FARP2: variants seen among roughly 807,000 people sequenced by gnomAD.
The protein encoded by FARP2 is FERM, ARH/RhoGEF and pleckstrin domain protein 2.
FARP2 carries 111 observed loss-of-function variants against 130.5 expected under a neutral mutation model. The observed-to-expected ratio is 0.85, with a 90% CI of 0.73 to 1.00. The LOEUF is 1.00. Among genes scored for constraint, FARP2 ranks in the 50% least tolerant of loss-of-function variants. FARP2 has a pLI of 0.00. For missense variants in FARP2, 1,385 were observed against 1,346.3 expected (o/e 1.03, Z -0.45); for synonymous variants, 504 against 516.9 (o/e 0.98, Z 0.34).
chr2:241,406,177 G>T (rs1235105745), intron 4 of FARP2, among the ~76,000 whole-genome samples: 1 of 150,902 alleles, frequency 6.6e-6, no homozygotes, highest in African/African-American at 2.4e-5. Flanking sequence ...GCATGGTGGG[G>T]GGCGCCTGTA....
In FARP2 at chr2:241,453,418, C is replaced by G. The variant is rs185944856; in HGVS notation, c.1412-3329C>G. 8.8e-3 allele frequency among the ~76,000 whole-genome samples: 1,327 copies of G among 150,986 alleles called. 5 individuals are homozygous for G. Among genetic ancestry groups the G allele is most frequent in the African/African-American group, 0.019 (796 of 41,082 alleles). ...CGGGCAGATCACAAGGTCAGGAGAT[C>G]GAGACCATCCTGGCTAACATGGTGA... is the stretch of plus-strand genomic sequence containing the variant. On this transcript the variant is annotated intron_variant, in intron 13 of 26. Coordinates refer to ENST00000264042, the MANE Select transcript of FARP2 (RefSeq NM_014808.4).
intron 13 of FARP2, among the ~76,000 whole-genome samples, chr2:241,455,537 T>G (rs957171737): frequency 6.6e-6 from 1 of 151,884 alleles, no homozygotes; most frequent in Admixed American, 6.6e-5. Context: ...CCCGCCGCCA[T>G]GCCCGGCTAA....
At chr2:241,399,092 G>A (rs567186731) in intron 2 of FARP2, among the ~76,000 whole-genome samples, 16 of 152,278 alleles carry the variant, frequency 1.1e-4, no homozygotes, top group African/African-American at 3.6e-4. Context: ...CAGCTATTCT[G>A]GTGAGGGTCT....
intron 13 of FARP2, among the ~76,000 whole-genome samples, chr2:241,450,868 T>C (rs2063638330): frequency 2.0e-5 from 3 of 150,758 alleles, no homozygotes; most frequent in African/African-American, 7.3e-5. Flanking sequence ...CTGAGAATCG[T>C]TTGAATCCAG....
chr2:241,406,581 G>T (rs1030988927), intron 4 of FARP2, among the ~76,000 whole-genome samples: 1 of 151,224 alleles, frequency 6.6e-6, no homozygotes, highest in South Asian at 2.1e-4. Flanking sequence ...CAAGTAGCTG[G>T]AACTTCAGGC....
At chr2:241,409,038 TGATAGATA>T (rs56030352) in intron 5 of FARP2, among the ~76,000 whole-genome samples, 147 of 146,042 alleles carry the variant, frequency 1.0e-3, no homozygotes, top group African/African-American at 2.5e-3. Flanking sequence ...GATAGATAGA[TGATAGATA>T]GATAGATAGA....
At chr2:241,448,087 G>T (rs2063553146) in intron 13 of FARP2, among the ~76,000 whole-genome samples, 1 of 152,148 alleles carries the variant, frequency 6.6e-6, no homozygotes, top group African/African-American at 2.4e-5. Flanking sequence ...TTCTAGAAAG[G>T]CACTTGTCAG....
chr2:241,411,832 T>G (rs891278301), intron 6 of FARP2, among the ~76,000 whole-genome samples: 8 of 152,230 alleles, frequency 5.3e-5, no homozygotes, highest in Admixed American at 2.0e-4. Context: ...TGCAGCTTCC[T>G]TGGTCCTTCC....
chr2:241,476,467 C>A (rs2124859458), intron 19 of FARP2, among the ~76,000 whole-genome samples: 1 of 152,246 alleles, frequency 6.6e-6, no homozygotes, highest in Non-Finnish European at 1.5e-5. Context: ...GCAGACAGAT[C>A]ACCTGAGGTT....
chr2:241,441,674 A>G, intron 13 of FARP2, 118 bp downstream of exon 13: 2 of 1,409,128 alleles, frequency 1.4e-6, no homozygotes, highest in South Asian at 2.3e-5. Context: ...GCTGCTTGTA[A>G]AAATGACAAT....
At chr2:241,448,562 C>T (rs1321467793) in intron 13 of FARP2, among the ~76,000 whole-genome samples, 1 of 152,170 alleles carries the variant, frequency 6.6e-6, no homozygotes, top group East Asian at 1.9e-4. Context: ...TGTATTAGAA[C>T]AAAAACATAG....
chr2:241,415,309 C>T (rs1242365481), intron 7 of FARP2, among the ~76,000 whole-genome samples: 2 of 152,164 alleles, frequency 1.3e-5, no homozygotes, highest in African/African-American at 4.8e-5. Flanking sequence ...CTGAGTGTCA[C>T]ATCCAGACCT....
At chr2:241,426,727 T>C (rs984987253) in intron 8 of FARP2, among the ~76,000 whole-genome samples, 1 of 152,174 alleles carries the variant, frequency 6.6e-6, no homozygotes, top group Admixed American at 6.6e-5. Flanking sequence ...CCCTGGATTA[T>C]TGGATGAATA....
At chr2:241,421,820 T>C (rs1000790921) in intron 8 of FARP2, among the ~76,000 whole-genome samples, 11 of 152,172 alleles carry the variant, frequency 7.2e-5, no homozygotes, top group African/African-American at 2.4e-4. Flanking sequence ...AACTAGGGTC[T>C]GGAGCAACTC....
chr2:241,479,971 G>A (rs1016838769), intron 19 of FARP2, among the ~76,000 whole-genome samples: 4 of 152,210 alleles, frequency 2.6e-5, no homozygotes, highest in African/African-American at 7.2e-5. Flanking sequence ...GACTTCAGTC[G>A]ACCTTCCTGG....
intron 13 of FARP2, among the ~76,000 whole-genome samples, chr2:241,450,943 C>G (rs2063641566): frequency 6.6e-6 from 1 of 152,176 alleles, no homozygotes; most frequent in African/African-American, 2.4e-5. Context: ...CAGAGCAAGA[C>G]TGTCTAAAGA....
At chr2:241,402,664 A>ATTT (rs1224385332) in intron 2 of FARP2, among the ~76,000 whole-genome samples, 1 of 149,392 alleles carries the variant, frequency 6.7e-6, no homozygotes, top group Non-Finnish European at 1.5e-5. Context: ...CTCTATTTCC[A>ATTT]TTTTTCTTCT....
At chr2:241,390,300 A>G (rs1331751265) in intron 2 of FARP2, among the ~76,000 whole-genome samples, 1 of 152,158 alleles carries the variant, frequency 6.6e-6, no homozygotes, top group Non-Finnish European at 1.5e-5. Context: ...GAGTCCAGCA[A>G]ATGACTAAGG....
intron 1 of FARP2, among the ~76,000 whole-genome samples, chr2:241,366,104 A>T (rs12998390): frequency 0.84 from 49,157 of 58,454 alleles, 21,324 homozygotes; most frequent in Admixed American, 0.91. Context: ...AAAAAAAAAA[A>T]ATATATATAT....
Sources: gnomAD v4.1 joint callset for allele counts (sites outside exome capture counted in the v4.1 genomes callset) on GRCh38, gnomAD v4.1.1 for gene constraint, MANE v1.5 for transcripts, NCBI Gene and HGNC (gene_info 2026-07-23, HGNC 2026-07-21) for gene names.